Variants in GPR155 observed in about 807,000 individuals in gnomAD.
GPR155 encodes the protein lysosomal cholesterol signaling protein.
In GPR155, 65 loss-of-function variants were observed where a neutral mutation model predicts 93.1. The observed-to-expected ratio is 0.70, with a 90% CI of 0.57 to 0.86. GPR155 has a LOEUF of 0.86. Among genes scored for constraint, GPR155 ranks in the 40% least tolerant of loss-of-function variants. The pLI is 0.00. For synonymous variants in GPR155, 319 were observed against 360.1 expected, an observed-to-expected ratio of 0.89 and a Z score of 1.29; for missense variants, 838 against 1,034.8, an observed-to-expected ratio of 0.81 and a Z score of 2.61.
intron 10 of GPR155, among the ~76,000 whole-genome samples, chr2:174,454,291 C>G (rs1394129328): frequency 6.6e-6 from 1 of 152,130 alleles, no homozygotes; most frequent in East Asian, 1.9e-4. Context: ...CACCTGCCAC[C>G]AGGCCCAGCT....
chr2:174,480,544 T>C (rs979370013), intron 2 of GPR155, among the ~76,000 whole-genome samples: 3 of 152,188 alleles, frequency 2.0e-5, no homozygotes, highest in African/African-American at 7.2e-5. Context: ...TTCTGAAATA[T>C]AGAATGTTTC....
intron 14 of GPR155, among the ~76,000 whole-genome samples, chr2:174,441,297 C>T (rs1199907730): frequency 6.6e-6 from 1 of 151,634 alleles, no homozygotes. Flanking sequence ...AATATATTTT[C>T]TTAGGTTTAT....
chr2:174,447,332 AAAT>A (rs1481852754), intron 11 of GPR155, among the ~76,000 whole-genome samples: 5 of 147,956 alleles, frequency 3.4e-5, no homozygotes, highest in East Asian at 3.9e-4. Context: ...AAATTAAAAA[AAAT>A]AATAAAAAAT....
In GPR155 at chr2:174,453,789, C is replaced by T. The variant is rs1213298760; in HGVS notation, c.1824G>A (p.Glu608=). 2 of 1,612,956 alleles carry T rather than the reference C, an allele frequency of 1.2e-6. No individual in the cohort carries two copies. The highest frequency in any genetic ancestry group is 1.7e-5 in the Admixed American group (1 of 59,970). ...GNGELHCPSI[E]PIANTSTSEP... is the part of the protein sequence containing the mutation. ...CACTGGTGCTTGTGTTTGCTATTGG[C>T]TCTATTGATGGGCAGTGTAATTCAC... The change falls in exon 11 of 16, where the codon GAG becomes GAA. Residue 608 remains glutamate, a synonymous_variant. Coordinates refer to ENST00000392552, the MANE Select transcript of GPR155 (RefSeq NM_152529.7).
At position 174,461,405 on chromosome 2, in the gene GPR155, T is replaced by C. The variant is rs1687689124; in HGVS notation, c.1557A>G (p.Glu519=). ...SIDSAFFYGK[E]QMITTAVTLF... is the part of the protein sequence containing the mutation. ...ACTGCCAGTAAACTCTTCCCACCTG[T>C]TCTTTTCCATAAAAGAAGGCTGAGT... The change falls in exon 9 of 16, where the codon GAA becomes GAG. Residue 519 remains glutamate, a synonymous_variant. Transcript: ENST00000392552. The C allele has an allele frequency of 6.2e-7, 1 of 1,606,272 alleles. No homozygotes were observed. The highest frequency in any genetic ancestry group is 8.5e-7 in the Non-Finnish European group (1 of 1,173,100).
At chr2:174,469,213 A>G (rs1269551647) in intron 4 of GPR155, 146 bp from the exon 5 acceptor site, 1 of 609,356 alleles carries the variant, frequency 1.6e-6, no homozygotes, top group Non-Finnish European at 2.8e-6. Context: ...ATCCAATACC[A>G]TACTTCCCCT....
intron 15 of GPR155, among the ~76,000 whole-genome samples, chr2:174,438,693 GAC>G (rs1559095073): frequency 6.6e-6 from 1 of 152,062 alleles, no homozygotes; most frequent in Non-Finnish European, 1.5e-5. Flanking sequence ...TTTTAGTAGA[GAC>G]AGGGTTTCAC....
At chr2:174,470,635 G>C in intron 3 of GPR155, 80 bp from the exon 4 acceptor site, 1 of 1,292,128 alleles carries the variant, frequency 7.7e-7, no homozygotes, top group South Asian at 1.3e-5. Flanking sequence ...GGTGAATTTG[G>C]CATCAGGTTC....
At position 174,477,648 on chromosome 2, in the gene GPR155, CT is replaced by C. The variant is rs1219703701; in HGVS notation, c.460+3848del. ...CATCTTTATCTATAAATTGGCAGTG[CT>C]TTTTTTTTGCTATCAATCTGAAGAT... On this transcript the variant is annotated intron_variant, in intron 2 of 15. Coordinates refer to ENST00000392552, the MANE Select transcript of GPR155 (RefSeq NM_152529.7). Among the ~76,000 whole-genome samples, 4 of 150,706 alleles carry C rather than the reference CT, an allele frequency of 2.7e-5. No individual in the cohort carries two copies. In the East Asian group the frequency reaches 5.9e-4, roughly 22 times the overall value.
In GPR155 at chr2:174,453,719, T is replaced by C. The variant is rs749053998; in HGVS notation, c.1876+18A>G. 3 of 1,133,862 alleles carry C rather than the reference T, an allele frequency of 2.6e-6. No individual in the cohort carries two copies. Among genetic ancestry groups the C allele is most frequent in the Non-Finnish European group, 4.0e-6 (3 of 746,962 alleles). 70.2% of individuals were successfully genotyped at this position (1,133,862 alleles called of 1,614,324 possible). ...CTTCTGTCCCTTAATCCCATCCTCA[T>C]AGTCCAGAGGCACTTACTTTTCTCA... On this transcript the variant is annotated intron_variant, in intron 11 of 15. Coordinates refer to ENST00000392552, the MANE Select transcript of GPR155 (RefSeq NM_152529.7).
chr2:174,482,753 G>C (rs550435399), intron 1 of GPR155: 2 of 152,314 alleles, frequency 1.3e-5, no homozygotes, highest in African/African-American at 4.8e-5. Context: ...GCCTGCCTCA[G>C]CATCCCACAG....
At position 174,466,703 on chromosome 2, in the gene GPR155, G is replaced by A; in HGVS notation, c.1183-76C>T. On this transcript the variant is annotated intron_variant, in intron 5 of 15. Coordinates refer to ENST00000392552, the MANE Select transcript of GPR155 (RefSeq NM_152529.7). ...TACTTATTAAATAACACAATGATTA[G>A]CCTCTTTAAATAACCCTCTTTGTCC... 1.0e-5 allele frequency: 8 copies of A among 762,772 alleles called. No individual in the cohort carries two copies. The South Asian group carries it at 1.1e-4, about 11-fold the overall frequency. The allele number at this position is 762,772 out of a possible 1,614,324, so 47.3% of individuals were successfully genotyped here.
intron 4 of GPR155, among the ~76,000 whole-genome samples, 192 bp from the exon 5 acceptor site, chr2:174,469,259 A>G (rs1289416528): frequency 6.6e-6 from 1 of 152,232 alleles, no homozygotes; most frequent in Admixed American, 6.5e-5. Context: ...CAATTGAGTT[A>G]CCTTGGTTCC....
chr2:174,461,705 A>G (rs1364678007), intron 7 of GPR155, 33 bp from the exon 8 acceptor site: 1 of 1,163,930 alleles, frequency 8.6e-7, no homozygotes, highest in Admixed American at 1.8e-5. Context: ...AGAGACAGTT[A>G]CTCAACATTG....
At chr2:174,466,265 G>A (rs1687834784) in intron 6 of GPR155, among the ~76,000 whole-genome samples, 1 of 152,108 alleles carries the variant, frequency 6.6e-6, no homozygotes, top group Admixed American at 6.6e-5. Context: ...TTAGAAAAAT[G>A]ATTGTGAAAG....
At chr2:174,443,010 T>C (rs555813272) in intron 13 of GPR155, among the ~76,000 whole-genome samples, 8 of 152,342 alleles carry the variant, frequency 5.3e-5, no homozygotes, top group Admixed American at 2.6e-4. Flanking sequence ...CACAGCCCTA[T>C]GGAATGAAGC....
At chr2:174,440,345 C>T (rs1452438576) in intron 14 of GPR155, among the ~76,000 whole-genome samples, 1 of 152,142 alleles carries the variant, frequency 6.6e-6, no homozygotes, top group Non-Finnish European at 1.5e-5. Context: ...ATGTTCCTTA[C>T]TCTACATTCT....
chr2:174,448,817 G>A (rs913804074), intron 11 of GPR155, among the ~76,000 whole-genome samples: 5 of 151,746 alleles, frequency 3.3e-5, no homozygotes, highest in Non-Finnish European at 5.9e-5. Flanking sequence ...GATTACAGGC[G>A]TGAGCCACCG....
intron 13 of GPR155, 45 bp downstream of exon 13, chr2:174,445,036 A>G (rs780211501): frequency 1.1e-6 from 1 of 928,018 alleles, no homozygotes; most frequent in Non-Finnish European, 1.8e-6. Flanking sequence ...CAATCAACCT[A>G]TCCAGGAAGA....
Sources: allele counts gnomAD v4.1 joint callset (sites outside exome capture counted in the v4.1 genomes callset), GRCh38; gene constraint gnomAD v4.1.1; transcripts MANE v1.5; gene names NCBI Gene and HGNC (gene_info 2026-07-23, HGNC 2026-07-21).